Variants in PPP1R12C observed in about 807,000 individuals in gnomAD.
The protein encoded by PPP1R12C is protein phosphatase 1 regulatory subunit 12C.
A neutral mutation model predicts 95.6 loss-of-function variants in PPP1R12C; 48 were observed. The ratio of observed to expected loss-of-function variants is 0.50; its 90% CI spans 0.40 to 0.64. PPP1R12C has a LOEUF of 0.64. Ranked by LOEUF, PPP1R12C falls within the 30% of genes least tolerant of loss-of-function variation. PPP1R12C has a pLI of 0.00. For synonymous variants in PPP1R12C, 480 were observed against 460.8 expected, an observed-to-expected ratio of 1.04 and a Z score of -0.53; for missense variants, 1,057 against 1,083.3, an observed-to-expected ratio of 0.98 and a Z score of 0.34.
chr19:55,104,080 T>C (rs1044661877), intron 3 of PPP1R12C, among the ~76,000 whole-genome samples: 4 of 147,256 alleles, frequency 2.7e-5, no homozygotes, highest in South Asian at 2.1e-4. Flanking sequence ...GGAGAATCGC[T>C]TGAACCCGGG....
chr19:55,102,533 A>G (rs1456281365), intron 4 of PPP1R12C, among the ~76,000 whole-genome samples: 1 of 152,238 alleles, frequency 6.6e-6, no homozygotes, highest in Non-Finnish European at 1.5e-5. Context: ...AAAATAAACT[A>G]TATATGCACC....
At chr19:55,092,126 C>A (rs991541756) in intron 19 of PPP1R12C, 96 bp downstream of exon 19, 2 of 1,236,026 alleles carry the variant, frequency 1.6e-6, no homozygotes, top group Non-Finnish European at 2.2e-6. Flanking sequence ...AGCCCAGCCC[C>A]GCCGGCACCC....
At position 55,092,818 on chromosome 19, in the gene PPP1R12C, G is replaced by A. The variant is rs1346040982; in HGVS notation, c.1876C>T (p.Arg626Cys). Residue 626 changes from arginine (R) to cysteine (C), a missense_variant, in exon 16 of 22, where the codon CGC becomes TGC. By Grantham distance (180) the Arg-to-Cys change is radical. Coordinates refer to ENST00000263433, the MANE Select transcript of PPP1R12C (RefSeq NM_017607.4). ...GPGPQAAREHRKVGKEWRGPA... is the reference protein window; with the variant it reads ...GPGPQAAREHCKVGKEWRGPA... Reference sequence around the variant, plus strand: ...CCCCTCCACTCCTTTCCGACCTTGCGGTGCTCCCTGGCCGCCTGCGGTCCC... The same window carrying A: ...CCCCTCCACTCCTTTCCGACCTTGCAGTGCTCCCTGGCCGCCTGCGGTCCC... The A allele has an allele frequency of 1.9e-6, 3 of 1,564,334 alleles. No homozygotes were observed. The highest frequency in any genetic ancestry group is 2.6e-6 in the Non-Finnish European group (3 of 1,154,730).
chr19:55,101,672 C>T lies in PPP1R12C; in HGVS notation c.731+1737G>A, dbSNP rs558305412. 2.6e-5 allele frequency among the ~76,000 whole-genome samples: 4 copies of T among 152,340 alleles called. No homozygotes were observed. The South Asian group carries it at 8.3e-4, about 32-fold the overall frequency. ...GGTGGAAGCCGTGGGAGGAAAAGGACACGGCCTCCAGGCCTGGGCACATCA... is the reference window on the plus strand; with the variant it reads ...GGTGGAAGCCGTGGGAGGAAAAGGATACGGCCTCCAGGCCTGGGCACATCA... On this transcript the variant is annotated intron_variant, in intron 4 of 21. Transcript: ENST00000263433.
rs1278151376 is a variant in PPP1R12C at position 55,113,697 on chromosome 19, C to T, written c.322-902G>A. 5 of 919,942 alleles carry T rather than the reference C, an allele frequency of 5.4e-6. No homozygotes were observed. The Admixed American group carries it at 1.3e-4, about 24-fold the overall frequency. 57.0% of individuals were successfully genotyped at this position (919,942 alleles called of 1,614,324 possible). Reference sequence around the variant, plus strand: ...TCCAAAGCTGCCCATCTGGAGGAGGCGGGAGGGAGCTACGAGGGCCAAGAG... The same window carrying T: ...TCCAAAGCTGCCCATCTGGAGGAGGTGGGAGGGAGCTACGAGGGCCAAGAG... On this transcript the variant is annotated intron_variant, in intron 1 of 21. Coordinates refer to ENST00000263433, the MANE Select transcript of PPP1R12C (RefSeq NM_017607.4).
chr19:55,100,044 C>CA (rs1009423757), intron 4 of PPP1R12C, among the ~76,000 whole-genome samples: 13 of 152,186 alleles, frequency 8.5e-5, no homozygotes, highest in Admixed American at 1.3e-4. Context: ...CACCCTGCCC[C>CA]AGCTGTGCTG....
Position 55,112,476 on chromosome 19 carries a change from C to A in PPP1R12C, c.562G>T (p.Ala188Ser). Reference sequence around the variant, plus strand: ...GCACACCAGAGCCCACCTCGGCGGGCGATCTCCGCCTTCAGCAGCCCCTCC... The same window carrying A: ...GCACACCAGAGCCCACCTCGGCGGGAGATCTCCGCCTTCAGCAGCCCCTCC... Reference protein sequence around the residue: ...AMEGLLKAEIARRGVDVEAAK... With the variant: ...AMEGLLKAEISRRGVDVEAAK... The change falls in exon 3 of 22, where the codon GCC becomes TCC. Residue 188 changes from alanine to serine, a missense_variant. Around this residue, in one of 5 missense-constraint regions of PPP1R12C, gnomAD observed 282 missense variants for 380.4 expected, o/e 0.74. Coordinates refer to ENST00000263433, the MANE Select transcript of PPP1R12C (RefSeq NM_017607.4). The A allele has an allele frequency of 6.2e-7, 1 of 1,610,386 alleles. No homozygotes were observed.
At chr19:55,095,262 C>A in intron 11 of PPP1R12C, 29 bp downstream of exon 11, 1 of 1,551,058 alleles carries the variant, frequency 6.4e-7, no homozygotes, top group East Asian at 2.4e-5. Flanking sequence ...GCCACCCACC[C>A]CTGAGGGGCC....
At chr19:55,108,259 T>C (rs1383536182) in intron 3 of PPP1R12C, among the ~76,000 whole-genome samples, 3 of 150,806 alleles carry the variant, frequency 2.0e-5, no homozygotes, top group African/African-American at 7.3e-5. Flanking sequence ...TTAACCCCAA[T>C]TCAGTGGCAT....
intron 11 of PPP1R12C, 100 bp from the exon 12 acceptor site, chr19:55,094,898 A>G: frequency 7.4e-7 from 1 of 1,350,926 alleles, no homozygotes; most frequent in Non-Finnish European, 1.0e-6. Flanking sequence ...TCTGGGCCAC[A>G]ACAGAGTCAG....
At position 55,094,643 on chromosome 19, in the gene PPP1R12C, C is replaced by T; in HGVS notation, c.1592+18G>A. ...TGCTGGGGGCGGGGGCGGCAGCTTCCTGCCCTGGCCTCTTCACCTCCGTCG... is the reference window on the plus strand; with the variant it reads ...TGCTGGGGGCGGGGGCGGCAGCTTCTTGCCCTGGCCTCTTCACCTCCGTCG... On this transcript the variant is annotated intron_variant, in intron 12 of 21. Coordinates refer to ENST00000263433, the MANE Select transcript of PPP1R12C (RefSeq NM_017607.4). 1.3e-6 allele frequency: 2 copies of T among 1,563,620 alleles called. No homozygotes were observed. The highest frequency in any genetic ancestry group is 8.6e-7 in the Non-Finnish European group (1 of 1,160,750).
At chr19:55,097,051 G>T (rs1399399977) in intron 6 of PPP1R12C, 2 of 222,480 alleles carry the variant, frequency 9.0e-6, no homozygotes, top group Non-Finnish European at 1.6e-5. Flanking sequence ...GTTCACCACC[G>T]TCTTCACCCC....
At position 55,117,620 on chromosome 19, in the gene PPP1R12C, C is replaced by G; in HGVS notation, c.-77G>C. The G allele has an allele frequency of 1.1e-6, 1 of 893,676 alleles. No individual in the cohort carries two copies. The allele number at this position is 893,676 out of a possible 1,614,324, so 55.4% of individuals were successfully genotyped here. A position where few individuals can be genotyped will look rare whatever the true frequency, so the allele number is the denominator to read the frequency against. ...CCACCACCCGCCCGCCCGCCCGCCC[C>G]GGGGGCCGCCGGGAACTGCCGCTGG... is the stretch of plus-strand genomic sequence containing the variant. On this transcript the variant is annotated 5_prime_UTR_variant, in exon 1 of 22. Transcript: ENST00000263433.
At chr19:55,104,213 C>CAA (rs2085011680) in intron 3 of PPP1R12C, among the ~76,000 whole-genome samples, 1 of 133,244 alleles carries the variant, frequency 7.5e-6, no homozygotes, top group African/African-American at 2.8e-5. Flanking sequence ...CACACACACA[C>CAA]ATACAAAAAT....
intron 3 of PPP1R12C, among the ~76,000 whole-genome samples, chr19:55,108,309 A>C (rs567355391): frequency 1.3e-5 from 2 of 152,056 alleles, no homozygotes; most frequent in East Asian, 3.9e-4. Flanking sequence ...CAATCTCCAG[A>C]ATTTTTTCAT....
chr19:55,102,442 G>A (rs931045755), intron 4 of PPP1R12C, among the ~76,000 whole-genome samples: 1 of 152,178 alleles, frequency 6.6e-6, no homozygotes, highest in Non-Finnish European at 1.5e-5. Context: ...AACCCAGGAG[G>A]TGGAGGTTGC....
intron 1 of PPP1R12C, chr19:55,114,958 G>C (rs1371935185): frequency 6.6e-6 from 1 of 152,270 alleles, no homozygotes; most frequent in Non-Finnish European, 1.5e-5. Flanking sequence ...CTGTAGGGAA[G>C]GGGCAGGAGA....
At chr19:55,095,642 C>T (rs760368879) in intron 9 of PPP1R12C, 39 bp from the exon 10 acceptor site, 10 of 1,518,974 alleles carry the variant, frequency 6.6e-6, no homozygotes, top group Non-Finnish European at 8.8e-6. Flanking sequence ...GAGAAAGGAT[C>T]CCTCTTCTCA....
chr19:55,117,293 G>A lies in PPP1R12C; in HGVS notation c.251C>T (p.Pro84Leu). The A allele has an allele frequency of 8.2e-7, 1 of 1,216,010 alleles. No homozygotes were observed. The highest frequency in any genetic ancestry group is 1.6e-5 in the African/African-American group (1 of 63,412). The allele number at this position is 1,216,010 out of a possible 1,614,324, so 75.3% of individuals were successfully genotyped here. ...ADPGPGAELD[P>L]AAPPPARAVL... Reference sequence around the variant, plus strand: ...GGCGCGGGCGGGCGGCGGCGCGGCGGGGTCGAGCTCGGCGCCGGGGCCAGG... The same window carrying A: ...GGCGCGGGCGGGCGGCGGCGCGGCGAGGTCGAGCTCGGCGCCGGGGCCAGG... The change falls in exon 1 of 22, where the codon CCC becomes CTC. Residue 84 changes from proline (P) to leucine (L), a missense_variant. This residue lies in a region of PPP1R12C where 282 missense variants were observed against 380.4 expected (regional missense o/e 0.74). Coordinates refer to ENST00000263433, the MANE Select transcript of PPP1R12C (RefSeq NM_017607.4).
Sources: allele counts gnomAD v4.1 joint callset (sites outside exome capture counted in the v4.1 genomes callset), GRCh38; gene constraint gnomAD v4.1.1; regional missense constraint gnomAD v4.1.1; transcripts MANE v1.5; gene names NCBI Gene and HGNC (gene_info 2026-07-23, HGNC 2026-07-21).